Variants in AP1S3 observed in about 807,000 individuals in gnomAD.
AP1S3 encodes the protein adaptor related protein complex 1 subunit sigma 3.
A neutral mutation model predicts 20.9 loss-of-function variants in AP1S3; 10 were observed. The ratio of observed to expected loss-of-function variants is 0.48; its 90% confidence interval spans 0.29 to 0.81. The LOEUF (loss-of-function observed/expected upper bound fraction) is 0.81. AP1S3 is among the 30% of genes least tolerant of loss of function. The probability of loss-of-function intolerance (pLI) is 0.08; values close to 1 mark genes in which losing one functional copy is unlikely to be tolerated. For missense variants in AP1S3, 154 were observed against 183.8 expected, an observed-to-expected ratio of 0.84 and a Z score of 0.94; for synonymous variants, 41 against 61.5, an observed-to-expected ratio of 0.67 and a Z score of 1.56.
At chr2:223,806,723 CTGTG>C (rs369743824) in intron 1 of AP1S3, among the ~76,000 whole-genome samples, 3 of 150,556 alleles carry the variant, frequency 2.0e-5, no homozygotes, top group Non-Finnish European at 3.0e-5. Context: ...AAACATATAC[CTGTG>C]TGTGTGTGTG....
At chr2:223,780,023 G>A (rs1341151943) in intron 1 of AP1S3, among the ~76,000 whole-genome samples, 20 of 151,610 alleles carry the variant, frequency 1.3e-4, no homozygotes, top group Admixed American at 7.3e-4. Flanking sequence ...AAAATGCCAC[G>A]ACATAAATCA....
intron 1 of AP1S3, among the ~76,000 whole-genome samples, chr2:223,816,074 C>T (rs1347579280): frequency 6.6e-6 from 1 of 152,132 alleles, no homozygotes; most frequent in Non-Finnish European, 1.5e-5. Context: ...CATGCCACTG[C>T]GCTCCAGCCT....
intron 1 of AP1S3, among the ~76,000 whole-genome samples, chr2:223,823,188 C>A (rs916208274): frequency 3.9e-5 from 6 of 152,132 alleles, no homozygotes; most frequent in South Asian, 2.1e-4. Context: ...CAAGGCCCCC[C>A]AAAAATATTA....
intron 1 of AP1S3, among the ~76,000 whole-genome samples, chr2:223,793,040 T>C (rs965259097): frequency 6.7e-6 from 1 of 149,450 alleles, no homozygotes; most frequent in Non-Finnish European, 1.5e-5. Flanking sequence ...CTCACACCAG[T>C]CAGAATGGCC....
intron 3 of AP1S3, chr2:223,770,241 G>C: frequency 6.4e-7 from 1 of 1,550,792 alleles, no homozygotes; most frequent in Non-Finnish European, 8.7e-7. Flanking sequence ...GTAGCAAGCT[G>C]AGGAACCTCG....
chr2:223,760,705 G>A (rs117853085), intron 4 of AP1S3, among the ~76,000 whole-genome samples: 2 of 152,058 alleles, frequency 1.3e-5, no homozygotes, highest in East Asian at 3.9e-4. Flanking sequence ...CAGGTATAAA[G>A]TGTACTTAGA....
intron 1 of AP1S3, among the ~76,000 whole-genome samples, chr2:223,802,260 A>C (rs770897990): frequency 7.9e-5 from 12 of 151,926 alleles, no homozygotes; most frequent in Non-Finnish European, 1.5e-5. Flanking sequence ...TACAGTCACT[A>C]TCTGCTGGGC....
chr2:223,795,901 G>C (rs1246179407), intron 1 of AP1S3, among the ~76,000 whole-genome samples: 5 of 152,110 alleles, frequency 3.3e-5, no homozygotes, highest in Admixed American at 1.3e-4. Context: ...GGCCAGTCAC[G>C]GTGGCTCACG....
intron 1 of AP1S3, among the ~76,000 whole-genome samples, chr2:223,812,924 GT>G: frequency 6.6e-6 from 1 of 151,496 alleles, no homozygotes; most frequent in East Asian, 1.9e-4. Flanking sequence ...TTTGTGTGGG[GT>G]TTTTTGTTTT....
At chr2:223,794,986 G>A (rs962683308) in intron 1 of AP1S3, among the ~76,000 whole-genome samples, 1 of 152,182 alleles carries the variant, frequency 6.6e-6, no homozygotes, top group African/African-American at 2.4e-5. Context: ...GCCAGGCGCA[G>A]TGGCTCACGC....
At chr2:223,803,128 A>G (rs541169260) in intron 1 of AP1S3, among the ~76,000 whole-genome samples, 1 of 152,324 alleles carries the variant, frequency 6.6e-6, no homozygotes, top group South Asian at 2.1e-4. Flanking sequence ...TCTGCCAACA[A>G]CTGAGTAAGA....
intron 1 of AP1S3, among the ~76,000 whole-genome samples, chr2:223,797,554 G>C (rs1691368921): frequency 6.6e-6 from 1 of 152,084 alleles, no homozygotes. Flanking sequence ...CTGAGATCAG[G>C]AGTTCGAGAC....
At chr2:223,785,158 T>C (rs914656191) in intron 1 of AP1S3, among the ~76,000 whole-genome samples, 7 of 152,110 alleles carry the variant, frequency 4.6e-5, no homozygotes, top group African/African-American at 1.7e-4. Flanking sequence ...CTGGCCAACA[T>C]GGCAAATCTC....
intron 1 of AP1S3, among the ~76,000 whole-genome samples, chr2:223,811,260 T>G (rs530546748): frequency 3.3e-5 from 5 of 151,950 alleles, no homozygotes; most frequent in African/African-American, 1.2e-4. Context: ...ACCTGGCTAA[T>G]TTTTTGTATT....
intron 1 of AP1S3, among the ~76,000 whole-genome samples, chr2:223,830,683 C>A (rs1449114088): frequency 6.6e-6 from 1 of 152,120 alleles, no homozygotes; most frequent in Non-Finnish European, 1.5e-5. Flanking sequence ...TGAGCTTCAA[C>A]CCACACCAAT....
At chr2:223,784,026 A>G (rs1251305152) in intron 1 of AP1S3, among the ~76,000 whole-genome samples, 1 of 150,332 alleles carries the variant, frequency 6.7e-6, no homozygotes, top group Non-Finnish European at 1.5e-5. Flanking sequence ...CCTTTTTCCC[A>G]CCTCTACAGC....
chr2:223,773,265 G>T, intron 3 of AP1S3: 1 of 1,294,098 alleles, frequency 7.7e-7, no homozygotes, highest in Non-Finnish European at 1.0e-6. Context: ...AGGTCAAGCC[G>T]GAGTTCAGAA....
At chr2:223,784,600 A>C (rs1691032069) in intron 1 of AP1S3, among the ~76,000 whole-genome samples, 2 of 152,074 alleles carry the variant, frequency 1.3e-5, no homozygotes, top group African/African-American at 4.8e-5. Flanking sequence ...TTTAAAAAAC[A>C]ACCACCCACC....
chr2:223,765,523 T>C (rs1365084367), intron 3 of AP1S3, among the ~76,000 whole-genome samples, 173 bp from the exon 4 acceptor site: 3 of 152,220 alleles, frequency 2.0e-5, no homozygotes, highest in African/African-American at 7.2e-5. Flanking sequence ...CTTTAATAAA[T>C]GGAATGCTAC....
Sources: allele counts gnomAD v4.1 joint callset (sites outside exome capture counted in the v4.1 genomes callset), GRCh38; gene constraint gnomAD v4.1.1; transcripts MANE v1.5; gene names NCBI Gene and HGNC (gene_info 2026-07-23, HGNC 2026-07-21).